VPS13B: variants seen among roughly 807,000 people sequenced by gnomAD.
VPS13B encodes intermembrane lipid transfer protein VPS13B.
Under a neutral mutation model 426.4 loss-of-function variants are expected in VPS13B, and 285 were observed. The ratio of observed to expected loss-of-function variants is 0.67; its 90% CI spans 0.61 to 0.74. The LOEUF (loss-of-function observed/expected upper bound fraction) is 0.74, where lower values mean the gene tolerates loss of function less well. Among genes scored for constraint, VPS13B ranks in the 30% least tolerant of loss-of-function variants. VPS13B has a pLI of 0.00. For missense variants in VPS13B, 4,537 were observed against 4,782.6 expected, an observed-to-expected ratio of 0.95 and a Z score of 1.51; for synonymous variants, 1,676 against 1,676.4, an observed-to-expected ratio of 1.00 and a Z score of 0.01.
At chr8:99,804,959 C>CA (rs1370248614) in intron 43 of VPS13B, among the ~76,000 whole-genome samples, 3 of 151,994 alleles carry the variant, frequency 2.0e-5, no homozygotes, top group African/African-American at 7.2e-5. Context: ...ATGATGACAC[C>CA]ACTGCACTCC....
chr8:99,738,743 T>G (rs1833942746), intron 39 of VPS13B, among the ~76,000 whole-genome samples: 1 of 152,216 alleles, frequency 6.6e-6, no homozygotes, highest in South Asian at 2.1e-4. Context: ...ATAAATACCA[T>G]CATATTAATA....
intron 21 of VPS13B, among the ~76,000 whole-genome samples, chr8:99,421,504 C>T (rs1816371731): frequency 1.3e-5 from 2 of 152,066 alleles, no homozygotes; most frequent in African/African-American, 4.8e-5. Context: ...ATAGTGGTTA[C>T]AAGGATGGAC....
intron 33 of VPS13B, among the ~76,000 whole-genome samples, chr8:99,620,161 G>A (rs764319124): frequency 3.3e-5 from 5 of 151,936 alleles, no homozygotes; most frequent in Non-Finnish European, 7.4e-5. Context: ...GAAAATTTTC[G>A]TGATGACATT....
At chr8:99,352,739 G>A (rs1195321158) in intron 19 of VPS13B, among the ~76,000 whole-genome samples, 2 of 151,492 alleles carry the variant, frequency 1.3e-5, no homozygotes, top group Admixed American at 6.6e-5. Context: ...CCATAGAATC[G>A]CTTGAACCCG....
At chr8:99,594,190 G>A (rs1588530807) in intron 33 of VPS13B, among the ~76,000 whole-genome samples, 1 of 151,920 alleles carries the variant, frequency 6.6e-6, no homozygotes, top group East Asian at 1.9e-4. Flanking sequence ...GAGTCTCGGG[G>A]GACATGTAAG....
At chr8:99,362,242 C>T (rs1326238668) in intron 19 of VPS13B, among the ~76,000 whole-genome samples, 1 of 150,232 alleles carries the variant, frequency 6.7e-6, no homozygotes, top group African/African-American at 2.5e-5. Flanking sequence ...CCCAGTTTCA[C>T]GCCATTCTCC....
intron 5 of VPS13B, among the ~76,000 whole-genome samples, chr8:99,103,493 C>CTTTTTTTTT (rs71273162): frequency 2.0e-5 from 1 of 49,538 alleles, no homozygotes; most frequent in African/African-American, 9.0e-5. Flanking sequence ...CTATGCCCGG[C>CTTTTTTTTT]TTTTTTTTTT....
At chr8:99,125,544 G>C (rs778757601) in intron 8 of VPS13B, among the ~76,000 whole-genome samples, 3 of 152,200 alleles carry the variant, frequency 2.0e-5, no homozygotes, top group Non-Finnish European at 4.4e-5. Context: ...TTGACAGTCA[G>C]TATTAACCAT....
At chr8:99,486,398 G>A (rs1820313023) in intron 25 of VPS13B, among the ~76,000 whole-genome samples, 1 of 151,880 alleles carries the variant, frequency 6.6e-6, no homozygotes, top group Non-Finnish European at 1.5e-5. Context: ...GCTGATTTTT[G>A]TACTTTTACT....
chr8:99,385,856 G>A (rs1424631503), intron 20 of VPS13B, among the ~76,000 whole-genome samples: 2 of 152,162 alleles, frequency 1.3e-5, no homozygotes, highest in African/African-American at 2.4e-5. Context: ...AGATGCAAAA[G>A]CATGACAAGA....
intron 12 of VPS13B, among the ~76,000 whole-genome samples, chr8:99,140,262 G>A (rs1810333125): frequency 4.0e-5 from 6 of 151,698 alleles, no homozygotes; most frequent in Admixed American, 3.9e-4. Flanking sequence ...CTACTTGGGA[G>A]GCTGAGGCAG....
At chr8:99,454,641 G>A (rs759981963) in intron 23 of VPS13B, among the ~76,000 whole-genome samples, 106 of 152,098 alleles carry the variant, frequency 7.0e-4, no homozygotes, top group African/African-American at 2.4e-3. Flanking sequence ...GGCTTCTTTC[G>A]ATAAATACTA....
At position 99,548,940 on chromosome 8, in the gene VPS13B, C is replaced by A. The variant is rs1824133867; in HGVS notation, c.4746-7510C>A. 3.9e-5 allele frequency among the ~76,000 whole-genome samples: 6 copies of A among 152,034 alleles called. No individual in the cohort carries two copies. The South Asian group carries it at 1.2e-3, about 32-fold the overall frequency. On this transcript the variant is annotated intron_variant, in intron 30 of 61. Coordinates refer to ENST00000357162, the MANE Select transcript of VPS13B (RefSeq NM_152564.5). ...TAAATTTTATACATATTAGCTAATT[C>A]TTCAAAATATAATATTTTATTAACT... is the stretch of plus-strand genomic sequence containing the variant.
intron 3 of VPS13B, among the ~76,000 whole-genome samples, chr8:99,088,456 A>C (rs959704911): frequency 6.6e-6 from 1 of 152,138 alleles, no homozygotes; most frequent in Admixed American, 6.6e-5. Flanking sequence ...ATTAGGGAAT[A>C]AAGGACAGAG....
At chr8:99,292,360 G>A (rs1302148461) in intron 19 of VPS13B, among the ~76,000 whole-genome samples, 1 of 152,076 alleles carries the variant, frequency 6.6e-6, no homozygotes, top group Non-Finnish European at 1.5e-5. Context: ...GCCTGCATGT[G>A]GACTTTGAAA....
At chr8:99,821,974 G>A (rs1456174307) in intron 50 of VPS13B, among the ~76,000 whole-genome samples, 1 of 152,204 alleles carries the variant, frequency 6.6e-6, no homozygotes, top group Non-Finnish European at 1.5e-5. Context: ...TTCTTGAACA[G>A]TGGACTGGTG....
chr8:99,039,745 T>C (rs954354062), intron 3 of VPS13B, among the ~76,000 whole-genome samples: 1 of 152,160 alleles, frequency 6.6e-6, no homozygotes, highest in Admixed American at 6.5e-5. Flanking sequence ...TTTAAGTGGA[T>C]GCTTTGAGTG....
chr8:99,171,074 T>A (rs143564348), intron 16 of VPS13B, among the ~76,000 whole-genome samples: 3 of 151,952 alleles, frequency 2.0e-5, no homozygotes, highest in African/African-American at 7.2e-5. Flanking sequence ...AAACTTTGCC[T>A]GCTGATACAG....
At chr8:99,244,432 T>A (rs1206923790) in intron 17 of VPS13B, among the ~76,000 whole-genome samples, 1 of 152,238 alleles carries the variant, frequency 6.6e-6, no homozygotes, top group Non-Finnish European at 1.5e-5. Context: ...TTTATAAATA[T>A]TATTTAGTGT....
Sources: allele counts gnomAD v4.1 joint callset (sites outside exome capture counted in the v4.1 genomes callset), GRCh38; gene constraint gnomAD v4.1.1; transcripts MANE v1.5; gene names NCBI Gene and HGNC (gene_info 2026-07-23, HGNC 2026-07-21).